Variants in TNFRSF21 observed in about 807,000 individuals in gnomAD.
TNFRSF21 encodes the protein TNF receptor superfamily member 21.
Under a neutral mutation model 45.6 loss-of-function variants are expected in TNFRSF21, and 19 were observed. That is an observed-to-expected ratio of 0.42 (90% CI 0.29 to 0.61). The LOEUF is 0.61. Among genes scored for constraint, TNFRSF21 ranks in the 20% least tolerant of loss-of-function variants. The pLI is 0.23. For missense variants in TNFRSF21, 737 were observed against 851.5 expected (o/e 0.87, Z 1.67); for synonymous variants, 314 against 335.5 (o/e 0.94, Z 0.70).
chr6:47,290,597 C>G (rs1582354943), intron 1 of TNFRSF21, among the ~76,000 whole-genome samples: 1 of 152,170 alleles, frequency 6.6e-6, no homozygotes, highest in Non-Finnish European at 1.5e-5. Context: ...AATAACAGAT[C>G]AAGTTTCTAA....
chr6:47,252,487 T>C (rs939970741), intron 4 of TNFRSF21, among the ~76,000 whole-genome samples: 2 of 152,246 alleles, frequency 1.3e-5, no homozygotes. Flanking sequence ...AGTTACATCA[T>C]GGTCGTAACT....
chr6:47,289,008 A>G (rs570286943), intron 1 of TNFRSF21, among the ~76,000 whole-genome samples: 2 of 152,360 alleles, frequency 1.3e-5, no homozygotes, highest in East Asian at 3.8e-4. Flanking sequence ...AATTATATTC[A>G]TGGGACTAAA....
At chr6:47,294,304 C>G (rs905614295) in intron 1 of TNFRSF21, among the ~76,000 whole-genome samples, 1 of 152,142 alleles carries the variant, frequency 6.6e-6, no homozygotes, top group African/African-American at 2.4e-5. Flanking sequence ...CCACCATGCC[C>G]GGCTAATTTT....
intron 2 of TNFRSF21, 133 bp from the exon 3 acceptor site, chr6:47,284,565 A>G: frequency 2.8e-6 from 3 of 1,072,930 alleles, no homozygotes; most frequent in Non-Finnish European, 3.7e-6. Flanking sequence ...TTAAGAATAA[A>G]TTGTGTTGCA....
chr6:47,232,973 C>T lies in TNFRSF21; in HGVS notation c.1760G>A (p.Arg587Gln). ...ITKEKKDTVL[R>Q]QVRLDPCDLQ... ...GTCACAGGGGTCCAGGCGTACCTGC[C>T]GCAACACTGTGTCCTTCTTTTCTGC... The change falls in exon 6 of 6, where the codon CGG becomes CAG. Residue 587 changes from arginine to glutamine, a missense_variant. By Grantham distance (43) the Arg-to-Gln change is conservative. Coordinates refer to ENST00000296861, the MANE Select transcript of TNFRSF21 (RefSeq NM_014452.5). 2 of 1,614,128 alleles carry T rather than the reference C, an allele frequency of 1.2e-6. No individual in the cohort carries two copies. Among genetic ancestry groups the T allele is most frequent in the Non-Finnish European group, 8.5e-7 (1 of 1,180,020 alleles).
In TNFRSF21 at chr6:47,303,280, C is replaced by T. The variant is rs369374512; in HGVS notation, c.96+6136G>A. ...AAGTATATAAAGATTAGATAATGAG[C>T]CTTGCTATGACTTAGCTTACTAAGT... On this transcript the variant is annotated intron_variant, in intron 1 of 5. Coordinates refer to ENST00000296861, the MANE Select transcript of TNFRSF21 (RefSeq NM_014452.5). Among the ~76,000 whole-genome samples, 19 of 152,340 alleles carry T rather than the reference C, an allele frequency of 1.2e-4. 1 individual carries two copies. The South Asian group carries it at 3.1e-3, about 25-fold the overall frequency.
intron 3 of TNFRSF21, among the ~76,000 whole-genome samples, chr6:47,277,808 T>C (rs1762520223): frequency 6.6e-6 from 1 of 152,218 alleles, no homozygotes; most frequent in South Asian, 2.1e-4. Flanking sequence ...CCCAGGTTTA[T>C]GAATTTCTAG....
intron 1 of TNFRSF21, among the ~76,000 whole-genome samples, chr6:47,301,710 C>A (rs1561953839): frequency 6.6e-6 from 1 of 152,172 alleles, no homozygotes; most frequent in Non-Finnish European, 1.5e-5. Flanking sequence ...ATGTGACACA[C>A]CAGCCGCCCT....
chr6:47,305,417 C>T (rs1370804592), intron 1 of TNFRSF21, among the ~76,000 whole-genome samples: 1 of 152,130 alleles, frequency 6.6e-6, no homozygotes, highest in Non-Finnish European at 1.5e-5. Flanking sequence ...TTCCAGCTTT[C>T]ACATTCTAGG....
At chr6:47,236,551 T>A (rs1465556322) in intron 4 of TNFRSF21, among the ~76,000 whole-genome samples, 1 of 152,232 alleles carries the variant, frequency 6.6e-6, no homozygotes, top group Non-Finnish European at 1.5e-5. Context: ...AGATAACTGA[T>A]TACTGCACAT....
intron 3 of TNFRSF21, among the ~76,000 whole-genome samples, chr6:47,260,666 A>G (rs756537901): frequency 6.6e-5 from 10 of 152,230 alleles, no homozygotes; most frequent in Non-Finnish European, 1.3e-4. Context: ...GAGAACCCAT[A>G]TCAAAGCCCT....
intron 3 of TNFRSF21, among the ~76,000 whole-genome samples, chr6:47,272,034 C>A (rs765386108): frequency 1.3e-5 from 2 of 152,128 alleles, no homozygotes; most frequent in African/African-American, 4.8e-5. Context: ...TAGAGACATA[C>A]AAACAGACTT....
intron 4 of TNFRSF21, among the ~76,000 whole-genome samples, chr6:47,239,486 C>G (rs1314438011): frequency 6.6e-6 from 1 of 151,990 alleles, no homozygotes; most frequent in East Asian, 1.9e-4. Flanking sequence ...TTATTCATGA[C>G]AAGGGTGGTA....
intron 4 of TNFRSF21, among the ~76,000 whole-genome samples, chr6:47,241,598 A>C (rs1028727398): frequency 6.6e-6 from 1 of 152,222 alleles, no homozygotes; most frequent in African/African-American, 2.4e-5. Context: ...AAATGGGAAT[A>C]TGGACTGGAA....
chr6:47,255,138 G>C (rs1764961585), intron 3 of TNFRSF21, among the ~76,000 whole-genome samples: 2 of 152,198 alleles, frequency 1.3e-5, no homozygotes, highest in Admixed American at 1.3e-4. Flanking sequence ...GCAGTCACTT[G>C]AAAACCCAGT....
intron 1 of TNFRSF21, among the ~76,000 whole-genome samples, chr6:47,303,548 C>T (rs1358159891): frequency 6.6e-6 from 1 of 152,176 alleles, no homozygotes; most frequent in East Asian, 1.9e-4. Context: ...AGTGAGATCA[C>T]TACTGCTCAC....
At chr6:47,309,390 C>T in intron 1 of TNFRSF21, 26 bp downstream of exon 1, 1 of 1,521,336 alleles carries the variant, frequency 6.6e-7, no homozygotes, top group East Asian at 2.6e-5. Flanking sequence ...GCGCCGCCGC[C>T]ACCCCCGGTC....
At chr6:47,267,324 T>A (rs112969131) in intron 3 of TNFRSF21, among the ~76,000 whole-genome samples, 15,799 of 152,070 alleles carry the variant, frequency 0.1, 883 homozygotes, top group East Asian at 0.15. Flanking sequence ...GGTCTCGAAC[T>A]CCTGACCTCA....
chr6:47,299,061 A>T (rs774880498), intron 1 of TNFRSF21, among the ~76,000 whole-genome samples: 2 of 152,256 alleles, frequency 1.3e-5, no homozygotes, highest in South Asian at 2.1e-4. Flanking sequence ...AATATTTAAA[A>T]CATCACATAG....
Sources: allele counts gnomAD v4.1 joint callset (sites outside exome capture counted in the v4.1 genomes callset), GRCh38; gene constraint gnomAD v4.1.1; transcripts MANE v1.5; gene names NCBI Gene and HGNC (gene_info 2026-07-23, HGNC 2026-07-21).